CSMD1: variants seen among roughly 807,000 people sequenced by gnomAD.
The protein encoded by CSMD1 is CUB and sushi domain-containing protein 1.
In CSMD1, 213 loss-of-function variants were observed where a neutral mutation model predicts 417.5. That is an observed-to-expected ratio of 0.51 (90% CI 0.46 to 0.57). CSMD1 has a LOEUF of 0.57. Among genes scored for constraint, CSMD1 ranks in the 20% least tolerant of loss-of-function variants. CSMD1 has a pLI of 0.00. For missense variants in CSMD1, 6,923 were observed against 4,529.7 expected (o/e 1.53, Z -15.17); for synonymous variants, 2,862 against 1,736.8 (o/e 1.65, Z -16.11).
chr8:4,979,445 A>G (rs1810752711), intron 1 of CSMD1, among the ~76,000 whole-genome samples: 1 of 151,876 alleles, frequency 6.6e-6, no homozygotes, highest in South Asian at 2.1e-4. Flanking sequence ...TTAGCCGTAT[A>G]GCAGATGCCG....
At chr8:4,297,055 G>C (rs746623596) in intron 3 of CSMD1, among the ~76,000 whole-genome samples, 18 of 147,976 alleles carry the variant, frequency 1.2e-4, no homozygotes, top group Non-Finnish European at 2.4e-4. Flanking sequence ...CAATAAAAAT[G>C]GTCGGATGGG....
intron 3 of CSMD1, among the ~76,000 whole-genome samples, chr8:4,172,106 C>T (rs186799790): frequency 9.2e-5 from 14 of 152,060 alleles, no homozygotes; most frequent in African/African-American, 2.7e-4. Flanking sequence ...GTTTATCATG[C>T]GGATCATTTC....
chr8:3,882,510 G>T lies in CSMD1; in HGVS notation c.818+115393C>A, dbSNP rs542040580. Among the ~76,000 whole-genome samples the T allele has an allele frequency of 4.6e-5, 7 of 152,290 alleles. No individual in the cohort carries two copies. The South Asian group carries it at 1.5e-3, about 32-fold the overall frequency. On this transcript the variant is annotated intron_variant, in intron 5 of 69. Coordinates refer to ENST00000635120, the MANE Select transcript of CSMD1 (RefSeq NM_033225.6). ...AAACTATTAGACTCTCTCTGCCTCG[G>T]TTGAGCACATGCATACACTGTGAGT...
chr8:3,317,742 T>A (rs1418916197), intron 23 of CSMD1, among the ~76,000 whole-genome samples: 1 of 152,228 alleles, frequency 6.6e-6, no homozygotes, highest in Non-Finnish European at 1.5e-5. Flanking sequence ...ACATTTTAAC[T>A]TTAAAATGTT....
intron 2 of CSMD1, among the ~76,000 whole-genome samples, chr8:4,524,735 T>C (rs1179247859): frequency 6.6e-6 from 1 of 152,184 alleles, no homozygotes; most frequent in Non-Finnish European, 1.5e-5. Context: ...CCTAAAATTC[T>C]TTCAAACAAA....
intron 50 of CSMD1, among the ~76,000 whole-genome samples, chr8:3,040,548 T>C (rs1401271407): frequency 6.6e-6 from 1 of 151,852 alleles, no homozygotes; most frequent in Non-Finnish European, 1.5e-5. Context: ...CTCATGCCTG[T>C]AATCCCAGCA....
At chr8:3,680,054 A>G (rs1484699602) in intron 7 of CSMD1, among the ~76,000 whole-genome samples, 4 of 152,182 alleles carry the variant, frequency 2.6e-5, no homozygotes, top group Non-Finnish European at 5.9e-5. Flanking sequence ...AGGAAAATTT[A>G]TAACACTAAA....
chr8:3,338,053 A>G (rs907417158), intron 23 of CSMD1, among the ~76,000 whole-genome samples: 7 of 152,214 alleles, frequency 4.6e-5, no homozygotes, highest in African/African-American at 1.7e-4. Context: ...ATGAAACTTA[A>G]TGCCAAGCAG....
chr8:2,968,608 C>T (rs1242794504), intron 57 of CSMD1, among the ~76,000 whole-genome samples: 2 of 152,068 alleles, frequency 1.3e-5, no homozygotes, highest in African/African-American at 4.8e-5. Flanking sequence ...TGACAAAAAC[C>T]ACTTTCACTC....
intron 5 of CSMD1, among the ~76,000 whole-genome samples, chr8:3,868,870 A>G (rs1000426616): frequency 1.1e-4 from 16 of 152,094 alleles, no homozygotes; most frequent in African/African-American, 3.6e-4. Context: ...GACTGTTACC[A>G]TCGTCTTCTA....
chr8:3,366,906 G>T (rs1809609307), intron 20 of CSMD1, 126 bp downstream of exon 20: 2 of 773,040 alleles, frequency 2.6e-6, no homozygotes, highest in African/African-American at 1.7e-5. Context: ...TTGGAATCAA[G>T]TCACGCATGT....
At chr8:3,790,505 T>C (rs1297552307) in intron 5 of CSMD1, among the ~76,000 whole-genome samples, 2 of 152,148 alleles carry the variant, frequency 1.3e-5, no homozygotes, top group Admixed American at 6.5e-5. Context: ...TGATGGTAAT[T>C]ATGACGGTGA....
At chr8:3,145,317 G>C (rs1329762528) in intron 40 of CSMD1, among the ~76,000 whole-genome samples, 1 of 152,134 alleles carries the variant, frequency 6.6e-6, no homozygotes, top group African/African-American at 2.4e-5. Flanking sequence ...AAATGGCTGA[G>C]AATGTGCTCA....
intron 3 of CSMD1, among the ~76,000 whole-genome samples, chr8:4,057,326 G>A (rs1044875971): frequency 1.3e-5 from 2 of 152,174 alleles, no homozygotes; most frequent in South Asian, 2.1e-4. Flanking sequence ...CTGCATAAAT[G>A]TCTTCTTTTG....
chr8:4,336,888 T>C (rs1223100071), intron 3 of CSMD1, among the ~76,000 whole-genome samples: 1 of 152,068 alleles, frequency 6.6e-6, no homozygotes, highest in Non-Finnish European at 1.5e-5. Flanking sequence ...CATACGGGAA[T>C]GGGATTGCCT....
At chr8:4,804,121 G>C (rs1357110370) in intron 1 of CSMD1, among the ~76,000 whole-genome samples, 1 of 152,092 alleles carries the variant, frequency 6.6e-6, no homozygotes, top group Non-Finnish European at 1.5e-5. Context: ...ACAATAACGA[G>C]AAACTATTTC....
At chr8:3,751,062 G>A (rs17067459) in intron 6 of CSMD1, among the ~76,000 whole-genome samples, 7,803 of 152,068 alleles carry the variant, frequency 0.051, 719 homozygotes, top group African/African-American at 0.18. Flanking sequence ...GGCAGTCTGC[G>A]TAAATGTGGT....
intron 51 of CSMD1, among the ~76,000 whole-genome samples, chr8:3,024,132 G>GGTGT (rs56148945): frequency 1.3e-5 from 2 of 151,016 alleles, no homozygotes; most frequent in African/African-American, 4.9e-5. Context: ...TTCATGGTGT[G>GGTGT]GTGTGTGTGT....
chr8:3,352,652 C>A (rs899832440), intron 21 of CSMD1, among the ~76,000 whole-genome samples: 13 of 152,094 alleles, frequency 8.5e-5, no homozygotes, highest in Non-Finnish European at 1.6e-4. Flanking sequence ...CCAGCCTGGC[C>A]AACATGGTGA....
Sources: gnomAD v4.1 joint callset for allele counts (sites outside exome capture counted in the v4.1 genomes callset) on GRCh38, gnomAD v4.1.1 for gene constraint, MANE v1.5 for transcripts, NCBI Gene and HGNC (gene_info 2026-07-23, HGNC 2026-07-21) for gene names.